Variants in RABGAP1L observed in about 807,000 individuals in gnomAD.
The protein encoded by RABGAP1L is rab GTPase-activating protein 1-like.
A neutral mutation model predicts 137.7 loss-of-function variants in RABGAP1L; 63 were observed. That is an observed-to-expected ratio of 0.46 (90% confidence interval 0.37 to 0.56). The LOEUF (loss-of-function observed/expected upper bound fraction) is 0.56, where lower values mean the gene tolerates loss of function less well. Ranked by LOEUF, RABGAP1L falls within the 20% of genes least tolerant of loss-of-function variation. The probability of loss-of-function intolerance (pLI) is 0.00; values close to 1 mark genes in which losing one functional copy is unlikely to be tolerated. For missense variants in RABGAP1L, 1,095 were observed against 1,244.0 expected, an observed-to-expected ratio of 0.88 and a Z score of 1.80; for synonymous variants, 431 against 433.7, an observed-to-expected ratio of 0.99 and a Z score of 0.08.
At chr1:174,282,419 A>T (rs1225577158) in intron 10 of RABGAP1L, among the ~76,000 whole-genome samples, 2 of 152,148 alleles carry the variant, frequency 1.3e-5, no homozygotes, top group African/African-American at 4.8e-5. Context: ...TATGGTTATT[A>T]ATCATTCATA....
At chr1:174,373,922 G>T (rs1408559565) in intron 12 of RABGAP1L, among the ~76,000 whole-genome samples, 1 of 152,122 alleles carries the variant, frequency 6.6e-6, no homozygotes, top group Admixed American at 6.6e-5. Context: ...AAGGGTAAAA[G>T]CTGGGCCTAA....
In RABGAP1L at chr1:174,445,388, CT is replaced by C. The variant is rs1005528886; in HGVS notation, c.1710+51251del. ...GAACAAATTTCTTTGACCATTTGAC[CT>C]TTTTTTTCATATTAGGATAAAAAGT... On this transcript the variant is annotated intron_variant, in intron 13 of 25. Coordinates refer to ENST00000681986, the MANE Select transcript of RABGAP1L (RefSeq NM_001366446.1). 5.3e-5 allele frequency among the ~76,000 whole-genome samples: 8 copies of C among 151,746 alleles called. No individual in the cohort carries two copies. The East Asian group carries it at 1.4e-3, about 26-fold the overall frequency.
At chr1:174,201,754 A>C in intron 1 of RABGAP1L, among the ~76,000 whole-genome samples, 1 of 146,158 alleles carries the variant, frequency 6.8e-6, no homozygotes, top group East Asian at 2.1e-4. Flanking sequence ...GCACCCATTA[A>C]CTCGTCATTT....
chr1:174,629,269 A>C (rs552556330), intron 13 of RABGAP1L, among the ~76,000 whole-genome samples: 40 of 152,316 alleles, frequency 2.6e-4, no homozygotes, highest in African/African-American at 9.4e-4. Context: ...TTGCTTCAAA[A>C]ACACAATTAT....
At chr1:174,327,994 T>TACAC (rs1308177891) in intron 11 of RABGAP1L, among the ~76,000 whole-genome samples, 5 of 77,392 alleles carry the variant, frequency 6.5e-5, no homozygotes, top group Middle Eastern at 5.9e-3. Flanking sequence ...CACATATATA[T>TACAC]ATATATATAT....
At chr1:174,184,800 G>A (rs1414219572) in intron 1 of RABGAP1L, among the ~76,000 whole-genome samples, 7 of 152,202 alleles carry the variant, frequency 4.6e-5, no homozygotes, top group African/African-American at 1.7e-4. Flanking sequence ...AAATTTTATG[G>A]TGTTAATCCC....
At chr1:174,972,575 T>TG (rs1553298145) in intron 21 of RABGAP1L, among the ~76,000 whole-genome samples, 1 of 152,152 alleles carries the variant, frequency 6.6e-6, no homozygotes, top group Non-Finnish European at 1.5e-5. Flanking sequence ...GAAGGCTGTC[T>TG]GGTGCAGTGG....
At chr1:174,804,456 A>G (rs1314667234) in intron 18 of RABGAP1L, among the ~76,000 whole-genome samples, 2 of 151,556 alleles carry the variant, frequency 1.3e-5, no homozygotes, top group Non-Finnish European at 2.9e-5. Context: ...TTTTTTGTAG[A>G]ACTGAGGTTT....
intron 15 of RABGAP1L, among the ~76,000 whole-genome samples, chr1:174,689,291 G>A (rs1022231947): frequency 1.3e-5 from 2 of 151,674 alleles, no homozygotes; most frequent in Non-Finnish European, 2.9e-5. Context: ...AGAGTCCAAG[G>A]TGACAAGATA....
chr1:174,331,998 A>G (rs576112080), intron 11 of RABGAP1L, among the ~76,000 whole-genome samples: 2 of 152,166 alleles, frequency 1.3e-5, no homozygotes, highest in African/African-American at 2.4e-5. Flanking sequence ...GCTGGAGTGC[A>G]GTGGTGCCAA....
intron 18 of RABGAP1L, among the ~76,000 whole-genome samples, chr1:174,798,228 C>A (rs1688419688): frequency 7.2e-6 from 1 of 139,614 alleles, no homozygotes; most frequent in African/African-American, 2.9e-5. Flanking sequence ...AACCCCATCT[C>A]TACTAAAAAT....
At chr1:174,782,690 A>T (rs967190556) in intron 18 of RABGAP1L, among the ~76,000 whole-genome samples, 10 of 152,284 alleles carry the variant, frequency 6.6e-5, no homozygotes, top group South Asian at 2.1e-4. Context: ...TGGTATTGAG[A>T]GACAGGACTA....
rs1489681629 is a variant in RABGAP1L at position 174,992,913 on chromosome 1, C to T, written c.*2912C>T. 1 of 152,172 alleles carries T rather than the reference C, an allele frequency of 6.6e-6. No individual in the cohort carries two copies. Among genetic ancestry groups the T allele is most frequent in the Non-Finnish European group, 1.5e-5 (1 of 68,022 alleles). 9.4% of individuals were successfully genotyped at this position (152,172 alleles called of 1,614,324 possible). The stretch of plus-strand genomic sequence containing the variant: ...TCAAAACATTCTAGTGTTTTTCATC[C>T]TTTGCTAGGATGCACTCTGTACAAA... On this transcript the variant is annotated 3_prime_UTR_variant, in exon 26 of 26. Transcript: ENST00000681986.
intron 1 of RABGAP1L, among the ~76,000 whole-genome samples, chr1:174,172,930 C>T (rs1434143964): frequency 2.6e-5 from 4 of 151,954 alleles, no homozygotes; most frequent in Non-Finnish European, 5.9e-5. Context: ...TTGCCAAGGC[C>T]GAACAATATC....
intron 1 of RABGAP1L, among the ~76,000 whole-genome samples, chr1:174,176,653 A>G (rs1463595987): frequency 7.7e-6 from 1 of 130,460 alleles, no homozygotes; most frequent in Non-Finnish European, 1.6e-5. Context: ...CGGAGGTTGC[A>G]GTGAGCTGAC....
At chr1:174,495,386 G>A (rs1439084618) in intron 13 of RABGAP1L, among the ~76,000 whole-genome samples, 1 of 152,014 alleles carries the variant, frequency 6.6e-6, no homozygotes, top group Non-Finnish European at 1.5e-5. Context: ...ATTCACCTAT[G>A]GAATCATCTG....
At position 174,761,514 on chromosome 1, in the gene RABGAP1L, C is replaced by T. The variant is rs1323244001; in HGVS notation, c.2211+9160C>T. Among the ~76,000 whole-genome samples the T allele has an allele frequency of 6.6e-6, 1 of 151,852 alleles. No homozygotes were observed. Among genetic ancestry groups the T allele is most frequent in the Non-Finnish European group, 1.5e-5 (1 of 67,952 alleles). ...GCAGGGGCCGGGGAGAGGCGCTGCT[C>T]ACTTCCCAGCAGAGGCTCTCCTCAC... On this transcript the variant is annotated intron_variant, in intron 18 of 25. Coordinates refer to ENST00000681986, the MANE Select transcript of RABGAP1L (RefSeq NM_001366446.1). The surrounding 1 kb of genome is among the most constrained non-coding windows in gnomAD (Gnocchi z 4.0).
chr1:174,171,424 T>G (rs1379921167), intron 1 of RABGAP1L, among the ~76,000 whole-genome samples: 1 of 152,196 alleles, frequency 6.6e-6, no homozygotes, highest in East Asian at 1.9e-4. Context: ...TACAAAATCA[T>G]GAAATGATTA....
chr1:174,818,296 A>G (rs774177815), intron 19 of RABGAP1L, among the ~76,000 whole-genome samples: 36 of 152,228 alleles, frequency 2.4e-4, no homozygotes, highest in Admixed American at 5.9e-4. Flanking sequence ...TATGACTGTG[A>G]ACACTAAGGG....
Sources: allele counts gnomAD v4.1 joint callset (sites outside exome capture counted in the v4.1 genomes callset), GRCh38; gene constraint gnomAD v4.1.1; non-coding constraint Gnocchi (gnomAD v3.1); transcripts MANE v1.5; gene names NCBI Gene and HGNC (gene_info 2026-07-23, HGNC 2026-07-21).